Variants in TULP4 observed in about 807,000 individuals in gnomAD.
The protein encoded by TULP4 is TUB like protein 4.
Under a neutral mutation model 129.0 loss-of-function variants are expected in TULP4, and 16 were observed. The observed-to-expected ratio is 0.12, with a 90% CI of 0.08 to 0.19. The LOEUF is 0.19. Ranked by LOEUF, TULP4 falls within the 10% of genes least tolerant of loss-of-function variation. TULP4 has a pLI of 1.00. For missense variants in TULP4, 1,842 were observed against 2,059.1 expected (o/e 0.89, Z 2.04); for synonymous variants, 998 against 854.0 (o/e 1.17, Z -2.94).
intron 5 of TULP4, among the ~76,000 whole-genome samples, chr6:158,457,247 C>T (rs1779312910): frequency 6.6e-6 from 1 of 152,140 alleles, no homozygotes; most frequent in Admixed American, 6.5e-5. Context: ...GAAGGTAACT[C>T]GCACTATTGT....
At position 158,503,650 on chromosome 6, in the gene TULP4, G is replaced by A. The variant is rs1780526825; in HGVS notation, c.3987G>A (p.Arg1329=). 1.2e-6 allele frequency: 2 copies of A among 1,613,928 alleles called. No homozygotes were observed. The highest frequency in any genetic ancestry group is 1.3e-5 in the African/African-American group (1 of 74,902). The change falls in exon 13 of 14, where the codon CGG becomes CGA. Residue 1329 remains arginine, a synonymous_variant. Coordinates refer to ENST00000367097, the MANE Select transcript of TULP4 (RefSeq NM_020245.5). The surrounding 1 kb of genome is among the most constrained non-coding windows in gnomAD (Gnocchi z 4.3). ...LSLTESPVPQ[R]TEKFGKKNRK... is the part of the protein sequence containing the mutation. The stretch of plus-strand genomic sequence containing the variant: ...TGACCGAAAGCCCAGTCCCCCAGCG[G>A]ACAGAAAAATTTGGAAAGAAGAACC...
chr6:158,433,647 C>T (rs1778684248), intron 3 of TULP4, among the ~76,000 whole-genome samples: 1 of 152,186 alleles, frequency 6.6e-6, no homozygotes, highest in South Asian at 2.1e-4. Flanking sequence ...GGAGGCATTG[C>T]AGTGAACCGA....
chr6:158,279,525 T>A (rs1477457740), upstream of TULP4, among the ~76,000 whole-genome samples: 1 of 152,234 alleles, frequency 6.6e-6, no homozygotes, highest in Non-Finnish European at 1.5e-5. Context: ...CAGTTTATGA[T>A]AGCTATGTAC....
chr6:158,236,355 A>G (rs1224255254), intron 1 of TULP4, among the ~76,000 whole-genome samples: 1 of 152,260 alleles, frequency 6.6e-6, no homozygotes, highest in Non-Finnish European at 1.5e-5. Context: ...AAACATCTCA[A>G]TTTATATAGA....
chr6:158,297,694 G>A (rs1779058044), intron 1 of TULP4, among the ~76,000 whole-genome samples: 1 of 152,132 alleles, frequency 6.6e-6, no homozygotes, highest in South Asian at 2.1e-4. Context: ...TGTTCGGGGT[G>A]CCTGACTTCC....
intron 3 of TULP4, among the ~76,000 whole-genome samples, chr6:158,431,529 C>T (rs556169005): frequency 6.6e-6 from 1 of 152,200 alleles, no homozygotes; most frequent in African/African-American, 2.4e-5. Context: ...AGACGCAGCT[C>T]TTGCCTTTGA....
At chr6:158,319,622 T>C (rs1027372725) in intron 1 of TULP4, among the ~76,000 whole-genome samples, 3 of 152,246 alleles carry the variant, frequency 2.0e-5, no homozygotes, top group Admixed American at 1.3e-4. Context: ...AAAGATAATT[T>C]ATTTCACCCT....
intron 1 of TULP4, among the ~76,000 whole-genome samples, chr6:158,274,812 G>A (rs898061383): frequency 2.6e-5 from 4 of 152,130 alleles, no homozygotes; most frequent in Admixed American, 2.6e-4. Flanking sequence ...CCTTCCAGTG[G>A]CTTCCCACTG....
intron 1 of TULP4, among the ~76,000 whole-genome samples, chr6:158,399,342 T>C (rs1172960444): frequency 6.6e-6 from 1 of 152,258 alleles, no homozygotes; most frequent in Non-Finnish European, 1.5e-5. Context: ...TTCAGCATTT[T>C]ACATGATGTT....
chr6:158,491,659 T>G (rs1422984856), intron 9 of TULP4, among the ~76,000 whole-genome samples: 2 of 148,868 alleles, frequency 1.3e-5, no homozygotes, highest in African/African-American at 5.0e-5. Context: ...GACCGGCTAA[T>G]TTTTTGTATT....
At chr6:158,367,392 A>ATTGT (rs1353970261) in intron 1 of TULP4, among the ~76,000 whole-genome samples, 1 of 152,226 alleles carries the variant, frequency 6.6e-6, no homozygotes, top group South Asian at 2.1e-4. Context: ...GATTGCTGGA[A>ATTGT]TTGTTTGTTT....
At chr6:158,365,294 T>C (rs1357377056) in intron 1 of TULP4, among the ~76,000 whole-genome samples, 1 of 152,018 alleles carries the variant, frequency 6.6e-6, no homozygotes, top group Non-Finnish European at 1.5e-5. Context: ...ATTCTCTCGT[T>C]TACTGTGCTT....
intron 5 of TULP4, among the ~76,000 whole-genome samples, chr6:158,454,327 C>T (rs1380482766): frequency 6.6e-6 from 1 of 152,096 alleles, no homozygotes; most frequent in Admixed American, 6.5e-5. Flanking sequence ...AACATTAATT[C>T]CTAATGTATT....
At chr6:158,268,645 G>A (rs952290559) in intron 1 of TULP4, among the ~76,000 whole-genome samples, 1 of 152,092 alleles carries the variant, frequency 6.6e-6, no homozygotes, top group Admixed American at 6.6e-5. Flanking sequence ...TAGGAATTTT[G>A]GGGGGACACC....
Position 158,291,343 on chromosome 6 carries a change from G to T in TULP4, n.116+8965G>T, listed in dbSNP as rs1778936673. On this transcript the variant is annotated intron_variant and non_coding_transcript_variant, in intron 1 of 1. Coordinates refer to the TULP4 transcript ENST00000432358. ...CTGGGAATATAATTGTGTTTTCTTT[G>T]AGTGCTTTGAAGATACTATTTCATT... Among the ~76,000 whole-genome samples the T allele has an allele frequency of 2.0e-5, 3 of 152,068 alleles. 1 individual carries two copies. The highest frequency in any genetic ancestry group is 4.8e-5 in the African/African-American group (2 of 41,402).
At chr6:158,386,399 G>A (rs1777449276) in intron 1 of TULP4, among the ~76,000 whole-genome samples, 1 of 152,098 alleles carries the variant, frequency 6.6e-6, no homozygotes, top group Non-Finnish European at 1.5e-5. Context: ...TAATTTGGAG[G>A]ACATCCAGTC....
intron 3 of TULP4, among the ~76,000 whole-genome samples, chr6:158,442,849 C>T (rs572212357): frequency 5.9e-5 from 9 of 151,286 alleles, no homozygotes; most frequent in Non-Finnish European, 1.2e-4. Flanking sequence ...TTGCTCTTGT[C>T]CCCCAGGCTC....
At chr6:158,327,973 G>T (rs1779782556) in intron 1 of TULP4, among the ~76,000 whole-genome samples, 1 of 152,052 alleles carries the variant, frequency 6.6e-6, no homozygotes, top group Non-Finnish European at 1.5e-5. Flanking sequence ...GACTGCCAAA[G>T]GTCAGCATCC....
At chr6:158,261,201 A>G (rs973889371) in intron 1 of TULP4, among the ~76,000 whole-genome samples, 44 of 152,202 alleles carry the variant, frequency 2.9e-4, no homozygotes, top group African/African-American at 1.1e-3. Context: ...GCAGTAAGGT[A>G]GCTACCAGGC....
Sources: allele counts gnomAD v4.1 joint callset (sites outside exome capture counted in the v4.1 genomes callset), GRCh38; gene constraint gnomAD v4.1.1; non-coding constraint Gnocchi (gnomAD v3.1); transcripts MANE v1.5; gene names NCBI Gene and HGNC (gene_info 2026-07-23, HGNC 2026-07-21).